Variants in MED15 observed in about 807,000 individuals in gnomAD.
The protein encoded by MED15 is mediator complex subunit 15, also known as mediator of RNA polymerase II transcription subunit 15.
A neutral mutation model predicts 118.7 loss-of-function variants in MED15; 41 were observed. The ratio of observed to expected loss-of-function variants is 0.35; its 90% CI spans 0.27 to 0.45. MED15 has a LOEUF of 0.45. Among genes scored for constraint, MED15 ranks in the 20% least tolerant of loss-of-function variants. The pLI is 1.00. For missense variants in MED15, 740 were observed against 1,025.5 expected (o/e 0.72, Z 3.80); for synonymous variants, 436 against 413.9 (o/e 1.05, Z -0.65).
intron 6 of MED15, among the ~76,000 whole-genome samples, chr22:20,565,343 T>C (rs2056397586): frequency 6.6e-6 from 1 of 152,172 alleles, no homozygotes; most frequent in Admixed American, 6.5e-5. Context: ...ACTTGAGCCA[T>C]TGTGGGCCAT....
intron 1 of MED15, among the ~76,000 whole-genome samples, chr22:20,516,317 AAATAATAAT>A (rs57339699): frequency 2.0e-5 from 3 of 150,756 alleles, no homozygotes; most frequent in African/African-American, 4.9e-5. Flanking sequence ...CCGTCTCAAT[AAATAATAAT>A]AATAATAATA....
intron 13 of MED15, 185 bp from the exon 14 acceptor site, chr22:20,584,174 G>A: frequency 1.6e-6 from 1 of 626,218 alleles, no homozygotes; most frequent in South Asian, 1.9e-5. Context: ...TGCCAACCAG[G>A]GACAAGCAGC....
intron 1 of MED15, among the ~76,000 whole-genome samples, chr22:20,508,822 C>CA (rs986706440): frequency 4.6e-5 from 7 of 152,144 alleles, no homozygotes; most frequent in African/African-American, 1.7e-4. Context: ...GGCCTGGGCT[C>CA]AGAGGCCTGA....
intron 13 of MED15, 69 bp downstream of exon 13, chr22:20,583,462 G>A: frequency 6.4e-7 from 1 of 1,573,294 alleles, no homozygotes; most frequent in Admixed American, 1.7e-5. Flanking sequence ...ATGGGCACTT[G>A]GTGATGATGT....
chr22:20,511,165 A>G (rs2054050380), intron 1 of MED15, among the ~76,000 whole-genome samples: 1 of 152,164 alleles, frequency 6.6e-6, no homozygotes, highest in Admixed American at 6.5e-5. Context: ...AAATTTGGCC[A>G]TTTTGGGAAA....
chr22:20,518,664 C>G (rs1406588415), intron 1 of MED15, among the ~76,000 whole-genome samples: 1 of 152,150 alleles, frequency 6.6e-6, no homozygotes, highest in Non-Finnish European at 1.5e-5. Flanking sequence ...TCTTATAGTT[C>G]TTAGCACAAT....
chr22:20,552,465 G>A (rs1454601330), intron 3 of MED15: 3 of 368,224 alleles, frequency 8.1e-6, no homozygotes, highest in East Asian at 8.8e-5. Flanking sequence ...TCACTGGGAT[G>A]TGTAAGAGGA....
At chr22:20,549,841 C>T (rs367668197) in intron 2 of MED15, among the ~76,000 whole-genome samples, 2 of 152,296 alleles carry the variant, frequency 1.3e-5, no homozygotes, top group East Asian at 3.9e-4. Flanking sequence ...TGCCTGCCCA[C>T]TGCATTCCAG....
intron 1 of MED15, among the ~76,000 whole-genome samples, chr22:20,532,314 G>A (rs1432664766): frequency 1.3e-5 from 2 of 152,156 alleles, no homozygotes; most frequent in South Asian, 2.1e-4. Context: ...ATGAAGACAC[G>A]AAGAGCTTTT....
At chr22:20,524,218 A>G (rs1335403015) in intron 1 of MED15, 1 of 152,238 alleles carries the variant, frequency 6.6e-6, no homozygotes, top group Non-Finnish European at 1.5e-5. Context: ...CTTTGGTTAC[A>G]TTGATGACTG....
intron 2 of MED15, among the ~76,000 whole-genome samples, chr22:20,549,583 C>T (rs1217980011): frequency 2.0e-5 from 3 of 152,124 alleles, no homozygotes; most frequent in East Asian, 1.9e-4. Flanking sequence ...TGACCCATTG[C>T]GTTCAGCCCC....
At chr22:20,537,024 AG>A in intron 1 of MED15, 92 bp from the exon 2 acceptor site, 1 of 1,136,138 alleles carries the variant, frequency 8.8e-7, no homozygotes, top group Non-Finnish European at 1.3e-6. Context: ...CCTTGTCACC[AG>A]GGGCAGCTGC....
chr22:20,516,463 T>G (rs1395769540), intron 1 of MED15, among the ~76,000 whole-genome samples: 3 of 152,208 alleles, frequency 2.0e-5, no homozygotes, highest in Middle Eastern at 3.2e-3. Flanking sequence ...AAGCCCCTTT[T>G]GATCTTTGGC....
chr22:20,576,969 C>T (rs2056841613), intron 9 of MED15, among the ~76,000 whole-genome samples: 2 of 152,198 alleles, frequency 1.3e-5, no homozygotes, highest in South Asian at 2.1e-4. Context: ...GCATGTAGGA[C>T]TGATTTTTAT....
intron 8 of MED15, among the ~76,000 whole-genome samples, chr22:20,570,056 T>C (rs980182427): frequency 6.6e-6 from 1 of 152,200 alleles, no homozygotes; most frequent in African/African-American, 2.4e-5. Context: ...GATGGAGTCT[T>C]GCTCTGTTGC....
intron 1 of MED15, among the ~76,000 whole-genome samples, chr22:20,521,430 T>A (rs980637529): frequency 4.0e-5 from 6 of 149,896 alleles, no homozygotes; most frequent in Non-Finnish European, 8.9e-5. Context: ...TGAGTCTCAC[T>A]CTGTCGCCTA....
intron 2 of MED15, among the ~76,000 whole-genome samples, chr22:20,540,215 CA>C (rs1010983848): frequency 1.1e-4 from 16 of 151,966 alleles, no homozygotes; most frequent in Non-Finnish European, 1.6e-4. Flanking sequence ...CGTGGAAAGC[CA>C]CATAAGGTTT....
At chr22:20,512,878 G>T (rs1234452468) in intron 1 of MED15, among the ~76,000 whole-genome samples, 2 of 151,238 alleles carry the variant, frequency 1.3e-5, no homozygotes, top group Non-Finnish European at 3.0e-5. Flanking sequence ...AATAGCTGGG[G>T]TTACAGGCAT....
intron 1 of MED15, among the ~76,000 whole-genome samples, chr22:20,521,456 G>T (rs2054454251): frequency 6.6e-6 from 1 of 151,046 alleles, no homozygotes; most frequent in African/African-American, 2.4e-5. Flanking sequence ...GAGTACAGTG[G>T]CGTGATCTTG....
Sources: gnomAD v4.1 joint callset for allele counts (sites outside exome capture counted in the v4.1 genomes callset) on GRCh38, gnomAD v4.1.1 for gene constraint, MANE v1.5 for transcripts, NCBI Gene and HGNC (gene_info 2026-07-23, HGNC 2026-07-21) for gene names.